Variants in GRIN2B observed in about 807,000 individuals in gnomAD.
GRIN2B encodes the protein glutamate ionotropic receptor NMDA type subunit 2B, also known as glutamate receptor ionotropic, NMDA 2B.
In GRIN2B, 5 loss-of-function variants were observed where a neutral mutation model predicts 114.5. That is an observed-to-expected ratio of 0.04 (90% CI 0.02 to 0.09). The LOEUF is 0.09. Among genes scored for constraint, GRIN2B ranks in the 10% least tolerant of loss-of-function variants. GRIN2B has a pLI of 1.00. For synonymous variants in GRIN2B, 787 were observed against 745.1 expected (o/e 1.06, Z -0.92); for missense variants, 1,108 against 1,943.5 (o/e 0.57, Z 8.08).
Position 13,563,918 on chromosome 12 carries a change from A to T in GRIN2B, c.3320T>A (p.Leu1107Gln). 1 of 1,614,182 alleles carries T rather than the reference A, an allele frequency of 6.2e-7. No individual in the cohort carries two copies. The highest frequency in any genetic ancestry group is 8.5e-7 in the Non-Finnish European group (1 of 1,180,016). Residue 1107 changes from leucine to glutamine, a missense_variant, in exon 14 of 14, where the codon CTG becomes CAG. Leu to Gln is a moderately radical substitution (Grantham distance 113, BLOSUM62 -2). Coordinates refer to ENST00000609686, the MANE Select transcript of GRIN2B (RefSeq NM_000834.5). Reference protein sequence around the residue: ...KSRREFDEIELAYRRRPPRSP... With the variant: ...KSRREFDEIEQAYRRRPPRSP... Reference sequence around the variant, plus strand: ...GCGGGGCGGTCGGCGACGGTAGGCCAGCTCGATCTCGTCAAACTCCCTGCG... The same window carrying T: ...GCGGGGCGGTCGGCGACGGTAGGCCTGCTCGATCTCGTCAAACTCCCTGCG...
At chr12:13,721,605 A>G (rs117807959) in intron 4 of GRIN2B, among the ~76,000 whole-genome samples, 1,749 of 152,164 alleles carry the variant, frequency 0.011, 17 homozygotes, top group Non-Finnish European at 0.019. Flanking sequence ...GAAAAAGGAA[A>G]AAAGTTACCA....
At position 13,542,974 on chromosome 12, in the gene GRIN2B, A is replaced by G. The variant is rs1347994627; in HGVS notation, c.*19809T>C. The G allele has an allele frequency of 6.6e-6, 1 of 151,936 alleles. No individual in the cohort carries two copies. The highest frequency in any genetic ancestry group is 1.5e-5 in the Non-Finnish European group (1 of 67,972). 9.4% of individuals were successfully genotyped at this position (151,936 alleles called of 1,614,324 possible). ...TCCCTCCTTTTTAAAAAAAAATAACATGCAACAACCATAAAATCCAGCTTT... is the reference window on the plus strand; with the variant it reads ...TCCCTCCTTTTTAAAAAAAAATAACGTGCAACAACCATAAAATCCAGCTTT... On this transcript the variant is annotated 3_prime_UTR_variant, in exon 14 of 14. Transcript: ENST00000609686.
intron 9 of GRIN2B, among the ~76,000 whole-genome samples, chr12:13,609,045 A>C (rs563329707): frequency 6.6e-6 from 1 of 152,180 alleles, no homozygotes; most frequent in Non-Finnish European, 1.5e-5. Flanking sequence ...GAGAAAAACC[A>C]GAAGCCCGGA....
chr12:13,690,312 CACACAT>C (rs1264190553), intron 4 of GRIN2B, among the ~76,000 whole-genome samples: 2 of 130,108 alleles, frequency 1.5e-5, no homozygotes, highest in Non-Finnish European at 3.5e-5. Flanking sequence ...CACACACACA[CACACAT>C]GCACACGCAC....
At chr12:13,916,758 T>TGTGTGTGTGTGTGC (rs1411017368) in intron 2 of GRIN2B, among the ~76,000 whole-genome samples, 1 of 148,290 alleles carries the variant, frequency 6.7e-6, no homozygotes, top group Non-Finnish European at 1.5e-5. Context: ...TGTGTGTGTG[T>TGTGTGTGTGTGTGC]GTATTTTAAT....
intron 4 of GRIN2B, among the ~76,000 whole-genome samples, chr12:13,739,738 C>T (rs1161362112): frequency 1.3e-5 from 2 of 152,138 alleles, no homozygotes; most frequent in Non-Finnish European, 2.9e-5. Flanking sequence ...TGGAACTGGG[C>T]TGAATTTGGA....
intron 3 of GRIN2B, among the ~76,000 whole-genome samples, chr12:13,795,000 A>T (rs1864392870): frequency 5.9e-5 from 9 of 152,236 alleles, no homozygotes. Context: ...GGATAAGGCC[A>T]GAGCCCTATG....
intron 5 of GRIN2B, among the ~76,000 whole-genome samples, chr12:13,637,524 G>C (rs1236701164): frequency 6.6e-6 from 1 of 152,014 alleles, no homozygotes; most frequent in South Asian, 2.1e-4. Context: ...AAAGGTTTTG[G>C]CACCAACCAG....
chr12:13,823,862 A>G (rs1864982447), intron 3 of GRIN2B, among the ~76,000 whole-genome samples: 1 of 152,124 alleles, frequency 6.6e-6, no homozygotes, highest in South Asian at 2.1e-4. Flanking sequence ...AACATGAATG[A>G]GTGTTCAATT....
At position 13,559,383 on chromosome 12, in the gene GRIN2B, A is replaced by G. The variant is rs1038167093; in HGVS notation, c.*3400T>C. On this transcript the variant is annotated 3_prime_UTR_variant, in exon 14 of 14. Coordinates refer to ENST00000609686, the MANE Select transcript of GRIN2B (RefSeq NM_000834.5). ...ATGGATTTGGAAATTTTATCCTGTG[A>G]TAGAGGCTGCCAACCTCCACAAAGC... 1 of 152,224 alleles carries G rather than the reference A, an allele frequency of 6.6e-6. No individual in the cohort carries two copies. The highest frequency in any genetic ancestry group is 2.4e-5 in the African/African-American group (1 of 41,450). The allele number at this position is 152,224 out of a possible 1,614,324, so 9.4% of individuals were successfully genotyped here. A position where few individuals can be genotyped will look rare whatever the true frequency, so the allele number is the denominator to read the frequency against.
At chr12:13,750,249 A>G (rs900939837) in intron 4 of GRIN2B, among the ~76,000 whole-genome samples, 2 of 152,174 alleles carry the variant, frequency 1.3e-5, no homozygotes, top group Non-Finnish European at 2.9e-5. Context: ...GGCCTCTAGG[A>G]CTGAGTAGGG....
At chr12:13,715,505 C>A (rs1950447162) in intron 4 of GRIN2B, among the ~76,000 whole-genome samples, 1 of 151,830 alleles carries the variant, frequency 6.6e-6, no homozygotes, top group Non-Finnish European at 1.5e-5. Context: ...ATGCAGTAAA[C>A]ACTTAGTAAC....
intron 2 of GRIN2B, among the ~76,000 whole-genome samples, chr12:13,950,638 A>G (rs1867463278): frequency 6.6e-6 from 1 of 152,194 alleles, no homozygotes; most frequent in Admixed American, 6.6e-5. Context: ...ATCACAATGA[A>G]CAATGAAGAA....
Position 13,544,954 on chromosome 12 carries a change from C to T in GRIN2B, c.*17829G>A, listed in dbSNP as rs190442404. ...AGTCAGATCATATCACTCTATGCTC[C>T]GAACCTTCTAGCAACTTCTCATCTT... On this transcript the variant is annotated 3_prime_UTR_variant, in exon 14 of 14. Transcript: ENST00000609686. 2 of 152,404 alleles carry T rather than the reference C, an allele frequency of 1.3e-5. No individual in the cohort carries two copies. The highest frequency in any genetic ancestry group is 4.8e-5 in the African/African-American group (2 of 41,564). The allele number at this position is 152,404 out of a possible 1,614,324, so 9.4% of individuals were successfully genotyped here.
At chr12:13,966,554 A>G (rs957356084) in intron 2 of GRIN2B, among the ~76,000 whole-genome samples, 1 of 152,162 alleles carries the variant, frequency 6.6e-6, no homozygotes, top group African/African-American at 2.4e-5. Flanking sequence ...TCGTGGCCAG[A>G]TTGTCTTTTC....
At chr12:13,927,645 G>C (rs2136820083) in intron 2 of GRIN2B, among the ~76,000 whole-genome samples, 4 of 152,116 alleles carry the variant, frequency 2.6e-5, no homozygotes, top group African/African-American at 9.6e-5. Flanking sequence ...CCCTACCAGT[G>C]TTTATATTAG....
At chr12:13,649,480 C>T (rs1169413820) in intron 5 of GRIN2B, among the ~76,000 whole-genome samples, 1 of 152,018 alleles carries the variant, frequency 6.6e-6, no homozygotes, top group Non-Finnish European at 1.5e-5. Flanking sequence ...TGGATAAATG[C>T]TATAGTGAAA....
rs1003071834 is a variant in GRIN2B at position 13,545,233 on chromosome 12, C to T, written c.*17550G>A. 1 of 152,222 alleles carries T rather than the reference C, an allele frequency of 6.6e-6. No homozygotes were observed. Among genetic ancestry groups the T allele is most frequent in the Non-Finnish European group, 1.5e-5 (1 of 68,054 alleles). The allele number at this position is 152,222 out of a possible 1,614,324, so 9.4% of individuals were successfully genotyped here. A position where few individuals can be genotyped will look rare whatever the true frequency, so the allele number is the denominator to read the frequency against. On this transcript the variant is annotated 3_prime_UTR_variant, in exon 14 of 14. Coordinates refer to ENST00000609686, the MANE Select transcript of GRIN2B (RefSeq NM_000834.5). The stretch of plus-strand genomic sequence containing the variant: ...TTTACTTAAATGTCATCTTTGCTTA[C>T]TCAAAAATAGCAACCCCACACCCAT...
chr12:13,633,984 ATG>A (rs1400524987), intron 5 of GRIN2B, among the ~76,000 whole-genome samples: 1 of 152,180 alleles, frequency 6.6e-6, no homozygotes, highest in Non-Finnish European at 1.5e-5. Flanking sequence ...ATAATAAAAA[ATG>A]TGTGTCACAC....
Sources: allele counts gnomAD v4.1 joint callset (sites outside exome capture counted in the v4.1 genomes callset), GRCh38; gene constraint gnomAD v4.1.1; transcripts MANE v1.5; gene names NCBI Gene and HGNC (gene_info 2026-07-23, HGNC 2026-07-21).